Variants in XPR1 observed in about 807,000 individuals in gnomAD.
XPR1 encodes the protein xenotropic and polytropic retrovirus receptor 1.
Under a neutral mutation model 87.5 loss-of-function variants are expected in XPR1, and 28 were observed. That is an observed-to-expected ratio of 0.32 (90% confidence interval 0.24 to 0.44). XPR1 has a LOEUF of 0.44. XPR1 is among the 20% of genes least tolerant of loss of function. XPR1 has a pLI of 1.00. For synonymous variants in XPR1, 300 were observed against 306.1 expected, an observed-to-expected ratio of 0.98 and a Z score of 0.21; for missense variants, 559 against 862.3, an observed-to-expected ratio of 0.65 and a Z score of 4.41.
At chr1:180,866,598 A>C (rs564525613) in intron 12 of XPR1, among the ~76,000 whole-genome samples, 13 of 152,312 alleles carry the variant, frequency 8.5e-5, no homozygotes, top group African/African-American at 3.1e-4. Flanking sequence ...TTCTTCAGTT[A>C]AGCCTAATAA....
intron 11 of XPR1, among the ~76,000 whole-genome samples, chr1:180,853,656 C>T (rs1651940352): frequency 6.6e-6 from 1 of 151,794 alleles, no homozygotes; most frequent in South Asian, 2.1e-4. Context: ...CACACACACA[C>T]ACACACACAC....
chr1:180,831,946 G>A (rs533221909), intron 9 of XPR1, among the ~76,000 whole-genome samples: 2 of 152,212 alleles, frequency 1.3e-5, no homozygotes, highest in South Asian at 4.2e-4. Flanking sequence ...GGTATTTCTG[G>A]TTCTAGATCC....
intron 1 of XPR1, among the ~76,000 whole-genome samples, chr1:180,641,731 C>G (rs1654967937): frequency 6.6e-6 from 1 of 152,046 alleles, no homozygotes; most frequent in Non-Finnish European, 1.5e-5. Flanking sequence ...TGAAAGAGAC[C>G]TTCTCAACCC....
intron 2 of XPR1, among the ~76,000 whole-genome samples, chr1:180,722,939 G>A (rs539223441): frequency 2.6e-5 from 4 of 152,270 alleles, no homozygotes; most frequent in East Asian, 3.9e-4. Context: ...AATTATGTGG[G>A]TGAGTAGAGA....
At chr1:180,708,943 G>T (rs185380850) in intron 2 of XPR1, among the ~76,000 whole-genome samples, 2,941 of 122,604 alleles carry the variant, frequency 0.024, 56 homozygotes, top group Middle Eastern at 0.084. Context: ...GACAAGTCTC[G>T]CTCTGTCGCC....
intron 11 of XPR1, among the ~76,000 whole-genome samples, chr1:180,862,604 T>C (rs934698790): frequency 3.3e-5 from 5 of 152,112 alleles, no homozygotes; most frequent in Admixed American, 1.3e-4. Flanking sequence ...GAGCTCAAAT[T>C]TATCAATTTA....
chr1:180,835,069 A>G (rs746677443), intron 10 of XPR1, 24 bp downstream of exon 10: 3 of 1,609,074 alleles, frequency 1.9e-6, no homozygotes, highest in Non-Finnish European at 2.5e-6. Flanking sequence ...TTGCATCTAT[A>G]CTACTAAATC....
chr1:180,825,201 C>T lies in XPR1; in HGVS notation c.991C>T (p.Leu331Phe), dbSNP rs748323257. Residue 331 changes from leucine to phenylalanine, a missense_variant, in exon 9 of 15, where the codon CTT becomes TTT. This residue lies in a region of XPR1 where 264 missense variants were observed against 377.2 expected (regional missense o/e 0.70). Transcript: ENST00000367590. ...CCTCGGGATATTGTGGTGCCTGAGC[C>T]TTCTGGCATGCTTCTTTGCTCCAAT... ...GFLGILWCLSLLACFFAPISV... is the reference protein window; with the variant it reads ...GFLGILWCLSFLACFFAPISV... 1 of 1,613,602 alleles carries T rather than the reference C, an allele frequency of 6.2e-7. No individual in the cohort carries two copies. The highest frequency in any genetic ancestry group is 8.5e-7 in the Non-Finnish European group (1 of 1,179,814).
chr1:180,711,137 G>C (rs1571753137), intron 2 of XPR1, among the ~76,000 whole-genome samples: 1 of 148,020 alleles, frequency 6.8e-6, no homozygotes, highest in African/African-American at 2.6e-5. Context: ...AGACGGGGCG[G>C]CGGGGCAGAG....
At chr1:180,766,179 T>C (rs1571816112) in intron 2 of XPR1, among the ~76,000 whole-genome samples, 2 of 152,172 alleles carry the variant, frequency 1.3e-5, no homozygotes, top group East Asian at 1.9e-4. Context: ...GTTGGTAATA[T>C]AGACATACCC....
intron 11 of XPR1, among the ~76,000 whole-genome samples, chr1:180,861,126 A>G (rs759524168): frequency 1.3e-5 from 2 of 152,152 alleles, no homozygotes; most frequent in Non-Finnish European, 2.9e-5. Flanking sequence ...GTTATCTCCT[A>G]CTAAATGTAT....
At chr1:180,883,944 T>C in intron 14 of XPR1, 62 bp from the exon 15 acceptor site, 1 of 1,453,092 alleles carries the variant, frequency 6.9e-7, no homozygotes. Flanking sequence ...TGTCTAATAC[T>C]GTGAAAGTGT....
intron 6 of XPR1, among the ~76,000 whole-genome samples, chr1:180,807,184 T>TTCACTTTTAACACCTGTA (rs879918815): frequency 2.4e-4 from 36 of 152,330 alleles, no homozygotes; most frequent in Admixed American, 8.5e-4. Context: ...AACACCTGTA[T>TTCACTTTTAACACCTGTA]TCAACATTGT....
chr1:180,788,983 G>T (rs541494618), intron 3 of XPR1, among the ~76,000 whole-genome samples: 1 of 152,214 alleles, frequency 6.6e-6, no homozygotes, highest in African/African-American at 2.4e-5. Context: ...TCCTTTTTCA[G>T]CAGCCCCTTC....
intron 2 of XPR1, among the ~76,000 whole-genome samples, chr1:180,767,849 CTT>C (rs869095414): frequency 1.4e-5 from 2 of 145,246 alleles, no homozygotes; most frequent in Non-Finnish European, 3.0e-5. Context: ...TCACAAGAAA[CTT>C]TTTTTTTTTT....
At chr1:180,774,119 A>G (rs1319603819) in intron 2 of XPR1, among the ~76,000 whole-genome samples, 2 of 152,144 alleles carry the variant, frequency 1.3e-5, no homozygotes, top group African/African-American at 4.8e-5. Context: ...AAGTGGCTGC[A>G]TTTCTGGTCT....
At chr1:180,745,679 C>T (rs1378490749) in intron 2 of XPR1, among the ~76,000 whole-genome samples, 1 of 152,172 alleles carries the variant, frequency 6.6e-6, no homozygotes, top group Non-Finnish European at 1.5e-5. Context: ...ACTCTGTCTG[C>T]ACTGATGCCT....
chr1:180,743,937 C>T (rs1659001203), intron 2 of XPR1, among the ~76,000 whole-genome samples: 1 of 152,106 alleles, frequency 6.6e-6, no homozygotes, highest in African/African-American at 2.4e-5. Flanking sequence ...GATTATGATC[C>T]ATCTGGCCTT....
chr1:180,865,065 A>T (rs144115598), intron 12 of XPR1, among the ~76,000 whole-genome samples: 1 of 152,196 alleles, frequency 6.6e-6, no homozygotes, highest in Non-Finnish European at 1.5e-5. Flanking sequence ...GTAATATTCA[A>T]TTGGTAAGTA....
Sources: allele counts gnomAD v4.1 joint callset (sites outside exome capture counted in the v4.1 genomes callset), GRCh38; gene constraint gnomAD v4.1.1; regional missense constraint gnomAD v4.1.1; transcripts MANE v1.5; gene names NCBI Gene and HGNC (gene_info 2026-07-23, HGNC 2026-07-21).